Variants in NTRK3 observed in about 807,000 individuals in gnomAD.
NTRK3 encodes neurotrophic receptor tyrosine kinase 3.
Under a neutral mutation model 91.7 loss-of-function variants are expected in NTRK3, and 24 were observed. The observed-to-expected ratio is 0.26, with a 90% CI of 0.19 to 0.37. The LOEUF is 0.37. NTRK3 is among the 10% of genes least tolerant of loss of function. NTRK3 has a pLI of 1.00. For synonymous variants in NTRK3, 483 were observed against 404.0 expected (o/e 1.20, Z -2.34); for missense variants, 880 against 1,068.9 (o/e 0.82, Z 2.46).
At chr15:87,942,908 C>T (rs8032471) in intron 14 of NTRK3, among the ~76,000 whole-genome samples, 6,037 of 152,126 alleles carry the variant, frequency 0.04, 410 homozygotes, top group African/African-American at 0.14. Flanking sequence ...ATCAGGCATC[C>T]GCACCTGGTG....
At chr15:87,969,921 A>G (rs1284449652) in intron 14 of NTRK3, among the ~76,000 whole-genome samples, 1 of 152,112 alleles carries the variant, frequency 6.6e-6, no homozygotes, top group Non-Finnish European at 1.5e-5. Flanking sequence ...ATCCTCACCC[A>G]AAGGGGCAGC....
At chr15:88,093,194 T>C (rs1187060383) in intron 13 of NTRK3, among the ~76,000 whole-genome samples, 1 of 151,672 alleles carries the variant, frequency 6.6e-6, no homozygotes, top group Non-Finnish European at 1.5e-5. Flanking sequence ...ATCTCAAACA[T>C]ATGGAGAAGT....
At chr15:87,984,881 A>T (rs1261442125) in intron 14 of NTRK3, among the ~76,000 whole-genome samples, 1 of 152,066 alleles carries the variant, frequency 6.6e-6, no homozygotes, top group African/African-American at 2.4e-5. Flanking sequence ...ATTCTCCACC[A>T]ATTCCTATTA....
At chr15:87,869,751 T>G (rs2064775236) in exon 19 of NTRK3, 1 of 201,872 alleles carries the variant, frequency 5.0e-6, no homozygotes, top group Non-Finnish European at 1.0e-5. Flanking sequence ...CCACGTTTAT[T>G]TATTCACTCC....
exon 19 of NTRK3, chr15:87,872,441 T>C (rs1042642444): frequency 4.4e-6 from 1 of 226,256 alleles, no homozygotes; most frequent in Admixed American, 5.7e-5. Context: ...CAATAAGCAT[T>C]AAAAGATAAA....
intron 14 of NTRK3, among the ~76,000 whole-genome samples, chr15:88,001,765 G>T (rs948684886): frequency 1.3e-5 from 2 of 152,200 alleles, no homozygotes; most frequent in South Asian, 2.1e-4. Flanking sequence ...TGGGATTGAG[G>T]AGTTAGAACC....
chr15:88,203,743 T>C (rs1365320661), intron 3 of NTRK3, among the ~76,000 whole-genome samples: 1 of 152,170 alleles, frequency 6.6e-6, no homozygotes, highest in Non-Finnish European at 1.5e-5. Flanking sequence ...GTGATGGCTA[T>C]CCCAATAACC....
chr15:87,893,982 T>C (rs573840936), intron 17 of NTRK3, among the ~76,000 whole-genome samples: 1 of 152,340 alleles, frequency 6.6e-6, no homozygotes, highest in African/African-American at 2.4e-5. Flanking sequence ...TGGCAACATA[T>C]GTTAATGATA....
In NTRK3 at chr15:88,255,444, CCTAT is replaced by C. The variant is rs2053934431; in HGVS notation, c.248+458_248+461del. 6.6e-6 allele frequency among the ~76,000 whole-genome samples: 1 copy of C among 152,218 alleles called. No homozygotes were observed. On this transcript the variant is annotated intron_variant, in intron 3 of 18. Transcript: ENST00000394480. This position sits in a 1 kb window ranked among gnomAD's most constrained non-coding sequence, Gnocchi z 4.3. ...CACCTCGGCTGGATCGCGAGCAGTC[CCTAT>C]CTGTCACCTTCCCTGCCGGCTAAGC...
chr15:88,001,522 T>G (rs2076095809), intron 14 of NTRK3, among the ~76,000 whole-genome samples: 1 of 152,172 alleles, frequency 6.6e-6, no homozygotes, highest in African/African-American at 2.4e-5. Context: ...GTATATGGTA[T>G]GTGGTAGGGG....
At chr15:88,094,156 A>T (rs1174833771) in intron 13 of NTRK3, among the ~76,000 whole-genome samples, 1 of 152,162 alleles carries the variant, frequency 6.6e-6, no homozygotes, top group Non-Finnish European at 1.5e-5. Flanking sequence ...AGTGGGCTGC[A>T]GGAAGGGGCT....
exon 19 of NTRK3, chr15:87,870,040 C>A (rs1304027231): frequency 1.6e-5 from 3 of 191,268 alleles, no homozygotes. Flanking sequence ...TACTGGGTAT[C>A]TGCCCAGAGG....
intron 13 of NTRK3, among the ~76,000 whole-genome samples, chr15:88,066,098 A>G (rs772467762): frequency 1.3e-5 from 2 of 152,200 alleles, no homozygotes; most frequent in African/African-American, 4.8e-5. Context: ...TCCCCTATGG[A>G]GAGATAACTG....
chr15:87,912,444 C>T (rs1201749131), intron 17 of NTRK3, among the ~76,000 whole-genome samples: 1 of 152,152 alleles, frequency 6.6e-6, no homozygotes, highest in Non-Finnish European at 1.5e-5. Flanking sequence ...GGGGATTGAT[C>T]ACTAATCTCT....
intron 5 of NTRK3, among the ~76,000 whole-genome samples, chr15:88,168,995 G>C (rs560234658): frequency 1.3e-5 from 2 of 152,306 alleles, no homozygotes; most frequent in South Asian, 2.1e-4. Context: ...GAGGCTGCAT[G>C]AAAATATTCC....
chr15:88,155,893 C>A (rs1416429656), intron 5 of NTRK3, among the ~76,000 whole-genome samples: 1 of 152,000 alleles, frequency 6.6e-6, no homozygotes, highest in Non-Finnish European at 1.5e-5. Flanking sequence ...GTCTTTAAAT[C>A]CATATGTGCT....
At chr15:88,050,998 C>G (rs967748820) in intron 13 of NTRK3, among the ~76,000 whole-genome samples, 20 of 152,182 alleles carry the variant, frequency 1.3e-4, no homozygotes, top group African/African-American at 3.1e-4. Context: ...ATCAAATTTA[C>G]TCTCTAATAC....
intron 5 of NTRK3, among the ~76,000 whole-genome samples, chr15:88,152,883 C>T (rs1279046650): frequency 6.6e-6 from 1 of 152,208 alleles, no homozygotes; most frequent in Non-Finnish European, 1.5e-5. Context: ...CTCCAGCCTC[C>T]TCCTGCAAAA....
At chr15:88,141,635 G>A (rs906978470) in intron 6 of NTRK3, among the ~76,000 whole-genome samples, 1 of 152,246 alleles carries the variant, frequency 6.6e-6, no homozygotes, top group African/African-American at 2.4e-5. Flanking sequence ...AGACTAGACA[G>A]GCGAGGGGCT....
Sources: allele counts gnomAD v4.1 joint callset (sites outside exome capture counted in the v4.1 genomes callset), GRCh38; gene constraint gnomAD v4.1.1; non-coding constraint Gnocchi (gnomAD v3.1); transcripts MANE v1.5; gene names NCBI Gene and HGNC (gene_info 2026-07-23, HGNC 2026-07-21).